The following DNM2 variants were observed in gnomAD, a reference collection of about 807,000 sequenced individuals.
The protein encoded by DNM2 is dynamin 2, also known as dynamin-2.
A neutral mutation model predicts 99.0 loss-of-function variants in DNM2; 15 were observed. The ratio of observed to expected loss-of-function variants is 0.15; its 90% CI spans 0.10 to 0.23. The LOEUF (loss-of-function observed/expected upper bound fraction) is 0.23, where lower values mean the gene tolerates loss of function less well. Among genes scored for constraint, DNM2 ranks in the 10% least tolerant of loss-of-function variants. The pLI, the probability that DNM2 is intolerant of heterozygous loss-of-function variation, is 1.00. For synonymous variants in DNM2, 525 were observed against 481.2 expected (o/e 1.09, Z -1.19); for missense variants, 742 against 1,189.4 (o/e 0.62, Z 5.53).
chr19:10,779,497 TCTTTC>T (rs1309876759), intron 5 of DNM2, among the ~76,000 whole-genome samples: 43 of 117,406 alleles, frequency 3.7e-4, no homozygotes, highest in Middle Eastern at 3.9e-3. Flanking sequence ...TTTCTTTCTT[TCTTTC>T]TTTTTTTTTT....
intron 3 of DNM2, among the ~76,000 whole-genome samples, chr19:10,773,967 C>T (rs1392584323): frequency 6.6e-6 from 1 of 152,188 alleles, no homozygotes; most frequent in Non-Finnish European, 1.5e-5. Flanking sequence ...CCATAGACAT[C>T]CTCTGGCCCA....
In DNM2 at chr19:10,816,873, A is replaced by C. The variant is rs750265864; in HGVS notation, c.1672-3107A>C. Among the ~76,000 whole-genome samples the C allele has an allele frequency of 3.9e-5, 6 of 152,032 alleles. No individual in the cohort carries two copies. Among genetic ancestry groups the C allele is most frequent in the Non-Finnish European group, 7.4e-5 (5 of 67,974 alleles). On this transcript the variant is annotated intron_variant, in intron 15 of 20. Transcript: ENST00000389253. This position sits in a 1 kb window ranked among gnomAD's most constrained non-coding sequence, Gnocchi z 4.6. ...GGGCCCTTCGTGTTTTTCTCATCTG[A>C]GAGTTGAAAGCCAGAGCCCCCGACC...
Position 10,823,774 on chromosome 19 carries a change from C to A in DNM2, c.1782-14C>A. On this transcript the variant is annotated splice_polypyrimidine_tract_variant and intron_variant, in intron 16 of 20. Transcript: ENST00000389253. Reference sequence around the variant, plus strand: ...GGGTCAAGCTTGTGCCCCTCCTTCCCCACCCCCCCGCAGAAACGTCTACAA... The same window carrying A: ...GGGTCAAGCTTGTGCCCCTCCTTCCACACCCCCCCGCAGAAACGTCTACAA... The A allele has an allele frequency of 6.2e-7, 1 of 1,613,028 alleles. No homozygotes were observed. Among genetic ancestry groups the A allele is most frequent in the South Asian group, 1.1e-5 (1 of 91,056 alleles).
chr19:10,814,116 C>T (rs932552315), intron 15 of DNM2, among the ~76,000 whole-genome samples: 4 of 151,244 alleles, frequency 2.6e-5, no homozygotes, highest in Non-Finnish European at 4.4e-5. Context: ...TGCAGGGAGC[C>T]GAGATGGTGC....
At chr19:10,794,345 G>A (rs1282767053) in intron 8 of DNM2, among the ~76,000 whole-genome samples, 2 of 56,136 alleles carry the variant, frequency 3.6e-5, no homozygotes, top group Non-Finnish European at 6.7e-5. Flanking sequence ...TTCTTTTTCC[G>A]TGTGTGTGTG....
intron 1 of DNM2, among the ~76,000 whole-genome samples, chr19:10,724,858 C>G (rs771304382): frequency 6.6e-6 from 1 of 152,200 alleles, no homozygotes; most frequent in Non-Finnish European, 1.5e-5. Flanking sequence ...TAATAAGAAG[C>G]AGCTGTGCCG....
chr19:10,764,578 C>T lies in DNM2; in HGVS notation c.235+4767C>T, dbSNP rs975988802. Among the ~76,000 whole-genome samples, 6 of 152,296 alleles carry T rather than the reference C, an allele frequency of 3.9e-5. No individual in the cohort carries two copies. Among genetic ancestry groups the T allele is most frequent in the Non-Finnish European group, 5.9e-5 (4 of 68,030 alleles). On this transcript the variant is annotated intron_variant, in intron 2 of 20. Coordinates refer to ENST00000389253, the MANE Select transcript of DNM2 (RefSeq NM_001005361.3). The surrounding 1 kb of genome is among the most constrained non-coding windows in gnomAD (Gnocchi z 4.1). ...TGCACAGTGAGGCCCTGTGAACCAC[C>T]CCTCCCCACCGCCCTTGGCCTTGAA...
chr19:10,815,025 G>A (rs904862676), intron 15 of DNM2, among the ~76,000 whole-genome samples: 1 of 152,200 alleles, frequency 6.6e-6, no homozygotes, highest in Admixed American at 6.5e-5. Context: ...AGCCATGGCT[G>A]TGTTATGTGG....
chr19:10,808,873 A>C, intron 14 of DNM2: 1 of 386,706 alleles, frequency 2.6e-6, no homozygotes, highest in Non-Finnish European at 4.7e-6. Context: ...ATACTTACAC[A>C]CCGCCCCTGC....
chr19:10,829,507 G>A (rs1308623390), intron 19 of DNM2, among the ~76,000 whole-genome samples: 1 of 152,196 alleles, frequency 6.6e-6, no homozygotes, highest in Non-Finnish European at 1.5e-5. Flanking sequence ...CCTGCCCTCT[G>A]CTGGTGCCTT....
intron 2 of DNM2, among the ~76,000 whole-genome samples, chr19:10,760,661 C>T (rs190220438): frequency 9.9e-5 from 15 of 151,632 alleles, no homozygotes; most frequent in Admixed American, 2.6e-4. Flanking sequence ...CCCATAATCA[C>T]TTTTTTTATT....
intron 2 of DNM2, among the ~76,000 whole-genome samples, chr19:10,762,337 C>T (rs1243474428): frequency 1.3e-5 from 2 of 152,138 alleles, no homozygotes; most frequent in African/African-American, 4.8e-5. Context: ...TGGGCCCGGC[C>T]ACAAACTGCA....
At chr19:10,721,704 G>A (rs1430476420) in intron 1 of DNM2, among the ~76,000 whole-genome samples, 1 of 152,200 alleles carries the variant, frequency 6.6e-6, no homozygotes, top group Non-Finnish European at 1.5e-5. Flanking sequence ...CCATTGCGCC[G>A]AGCCTGGATT....
chr19:10,772,450 C>G lies in DNM2; in HGVS notation c.236-29C>G, dbSNP rs3826803. ...GCGCACCCTGCCCACAGCTCTTTCT[C>G]ATTTTCAGCATCTCTCTTCCCTTTC... On this transcript the variant is annotated intron_variant, in intron 2 of 20. Transcript: ENST00000389253. The surrounding 1 kb of genome is among the most constrained non-coding windows in gnomAD (Gnocchi z 4.9). 869,007 of 1,612,272 alleles carry G rather than the reference C, an allele frequency of 0.54. 235,521 individuals carry two copies. Among genetic ancestry groups the G allele is most frequent in the Admixed American group, 0.64 (38,239 of 59,962 alleles).
In DNM2 at chr19:10,831,067, C is replaced by T; in HGVS notation, c.*20C>T. On this transcript the variant is annotated 3_prime_UTR_variant, in exon 21 of 21. Coordinates refer to ENST00000389253, the MANE Select transcript of DNM2 (RefSeq NM_001005361.3). The surrounding 1 kb of genome is among the most constrained non-coding windows in gnomAD (Gnocchi z 4.3). ...GACTAGGCCTCGAGGGGGGCGTGCT[C>T]TCGGGGGGGCCTCACGCACCCGCGG... 2 of 1,586,992 alleles carry T rather than the reference C, an allele frequency of 1.3e-6. No individual in the cohort carries two copies.
intron 1 of DNM2, among the ~76,000 whole-genome samples, chr19:10,759,044 C>T (rs2145852646): frequency 6.6e-6 from 1 of 152,208 alleles, no homozygotes; most frequent in Non-Finnish European, 1.5e-5. Flanking sequence ...CGGGCTCATG[C>T]CATCCTCCTC....
chr19:10,763,540 CT>C (rs2070703111), intron 2 of DNM2: 1 of 152,284 alleles, frequency 6.6e-6, no homozygotes, highest in African/African-American at 2.4e-5. Context: ...TAGGTGCCCA[CT>C]TGGTGCTGGG....
At chr19:10,819,153 G>A (rs1462928067) in intron 15 of DNM2, among the ~76,000 whole-genome samples, 1 of 152,160 alleles carries the variant, frequency 6.6e-6, no homozygotes, top group African/African-American at 2.4e-5. Flanking sequence ...GGGCAGGTGC[G>A]GTGGTGCACA....
At chr19:10,756,945 G>A (rs1442536879) in intron 1 of DNM2, among the ~76,000 whole-genome samples, 1 of 152,058 alleles carries the variant, frequency 6.6e-6, no homozygotes. Flanking sequence ...CCTCTCCTCT[G>A]CCCTGCATCA....
Sources: allele counts gnomAD v4.1 joint callset (sites outside exome capture counted in the v4.1 genomes callset), GRCh38; gene constraint gnomAD v4.1.1; non-coding constraint Gnocchi (gnomAD v3.1); transcripts MANE v1.5; gene names NCBI Gene and HGNC (gene_info 2026-07-23, HGNC 2026-07-21).